The following TNRC6C variants were observed in gnomAD, a reference collection of about 807,000 sequenced individuals.
TNRC6C encodes trinucleotide repeat-containing gene 6C protein.
TNRC6C carries 20 observed loss-of-function variants against 153.7 expected under a neutral mutation model. The ratio of observed to expected loss-of-function variants is 0.13; its 90% CI spans 0.09 to 0.19. The LOEUF is 0.19. Ranked by LOEUF, TNRC6C falls within the 10% of genes least tolerant of loss-of-function variation. The probability of loss-of-function intolerance (pLI) is 1.00; values close to 1 mark genes in which losing one functional copy is unlikely to be tolerated. For missense variants in TNRC6C, 1,987 were observed against 2,172.0 expected (o/e 0.91, Z 1.69); for synonymous variants, 811 against 841.4 (o/e 0.96, Z 0.63).
At chr17:78,095,811 AC>A (rs1567965747) in intron 16 of TNRC6C, among the ~76,000 whole-genome samples, 1 of 152,254 alleles carries the variant, frequency 6.6e-6, no homozygotes, top group African/African-American at 2.4e-5. Context: ...TGGGTGGCCA[AC>A]GTGGGAGAAT....
chr17:78,001,678 A>G (rs1205484376), upstream of TNRC6C, among the ~76,000 whole-genome samples: 1 of 152,208 alleles, frequency 6.6e-6, no homozygotes, highest in Non-Finnish European at 1.5e-5. Flanking sequence ...CAGTGATCCA[A>G]TAAAATCTTT....
chr17:77,996,578 T>G (rs1567906127), intron 1 of TNRC6C, among the ~76,000 whole-genome samples: 1 of 152,208 alleles, frequency 6.6e-6, no homozygotes, highest in South Asian at 2.1e-4. Context: ...GGCAAAGCAC[T>G]GAGATACCAG....
chr17:77,992,736 C>T (rs1349924707), intron 1 of TNRC6C, among the ~76,000 whole-genome samples: 2 of 152,118 alleles, frequency 1.3e-5, no homozygotes, highest in East Asian at 1.9e-4. Context: ...GTGTGAGGTA[C>T]CCACTAAAAT....
chr17:77,960,732 A>G (rs1021188988), intron 1 of TNRC6C, among the ~76,000 whole-genome samples: 5 of 152,180 alleles, frequency 3.3e-5, no homozygotes, highest in Admixed American at 6.5e-5. Flanking sequence ...AGAGGTGGCA[A>G]TGGTCTTTGA....
intron 1 of TNRC6C, among the ~76,000 whole-genome samples, chr17:77,984,588 A>G (rs2071132497): frequency 6.6e-6 from 1 of 152,224 alleles, no homozygotes; most frequent in Non-Finnish European, 1.5e-5. Flanking sequence ...AGCAGTCAGC[A>G]GGCTGGCATA....
At chr17:77,975,768 G>T (rs1567896208) in intron 1 of TNRC6C, among the ~76,000 whole-genome samples, 1 of 152,116 alleles carries the variant, frequency 6.6e-6, no homozygotes. Flanking sequence ...AAAGTACCAT[G>T]ATATACTTTT....
chr17:77,977,273 T>A (rs1455737116), intron 1 of TNRC6C, among the ~76,000 whole-genome samples: 1 of 152,224 alleles, frequency 6.6e-6, no homozygotes, highest in Non-Finnish European at 1.5e-5. Context: ...TAAATCTTCA[T>A]ATGTAGTAGA....
chr17:78,087,862 G>A (rs1453312286), intron 13 of TNRC6C, among the ~76,000 whole-genome samples: 1 of 152,218 alleles, frequency 6.6e-6, no homozygotes, highest in Non-Finnish European at 1.5e-5. Flanking sequence ...GGCCAGTCAG[G>A]AGAGACACAG....
At chr17:78,047,870 G>T (rs537687776) in intron 2 of TNRC6C, among the ~76,000 whole-genome samples, 1 of 152,024 alleles carries the variant, frequency 6.6e-6, no homozygotes, top group African/African-American at 2.4e-5. Flanking sequence ...AAAGTTGATC[G>T]AAATATAAGT....
intron 5 of TNRC6C, among the ~76,000 whole-genome samples, chr17:78,070,329 T>C (rs1304295537): frequency 6.6e-6 from 1 of 152,234 alleles, no homozygotes; most frequent in Non-Finnish European, 1.5e-5. Flanking sequence ...GAGCTCCATA[T>C]GCTCCATGAT....
At chr17:78,092,991 C>T in exon 15 of TNRC6C, 1 of 1,613,890 alleles carries the variant, frequency 6.2e-7, no homozygotes. Context: ...TTGATGACTC[C>T]TATGGCCGGT....
chr17:78,103,340 G>A (rs1464638253), intron 18 of TNRC6C, 74 bp from the exon 22 acceptor site: 11 of 1,562,170 alleles, frequency 7.0e-6, no homozygotes, highest in African/African-American at 2.7e-5. Flanking sequence ...AATTTCATAC[G>A]TTTTTTCTTT....
intron 1 of TNRC6C, among the ~76,000 whole-genome samples, chr17:77,960,072 G>GT (rs1181274774): frequency 2.0e-5 from 3 of 152,284 alleles, no homozygotes; most frequent in African/African-American, 7.2e-5. Context: ...GGTAGGGGAG[G>GT]AGGAGCCGCT....
intron 1 of TNRC6C, among the ~76,000 whole-genome samples, chr17:77,970,212 A>C (rs1384805614): frequency 1.3e-5 from 2 of 152,170 alleles, no homozygotes; most frequent in Non-Finnish European, 2.9e-5. Context: ...TTCCAGTTGG[A>C]AGGATAACAG....
intron 1 of TNRC6C, among the ~76,000 whole-genome samples, chr17:78,014,482 A>T (rs138278946): frequency 6.6e-6 from 1 of 152,008 alleles, no homozygotes; most frequent in Admixed American, 6.6e-5. Flanking sequence ...AAGAACTTAG[A>T]TGTGCTTGCA....
At chr17:77,991,389 G>C (rs370583141) in intron 1 of TNRC6C, among the ~76,000 whole-genome samples, 1 of 152,168 alleles carries the variant, frequency 6.6e-6, no homozygotes, top group African/African-American at 2.4e-5. Context: ...CCCTGAATGC[G>C]TTCTCCCCAT....
chr17:78,081,993 T>C (rs1329608235), intron 10 of TNRC6C, among the ~76,000 whole-genome samples: 1 of 152,038 alleles, frequency 6.6e-6, no homozygotes, highest in African/African-American at 2.4e-5. Context: ...TCTTATTCTT[T>C]ACGTGCTAAC....
intron 17 of TNRC6C, among the ~76,000 whole-genome samples, chr17:78,102,195 C>T (rs966681896): frequency 4.6e-5 from 7 of 152,128 alleles, no homozygotes; most frequent in East Asian, 1.9e-4. Flanking sequence ...TCATCACCCC[C>T]GTCTCTCCTG....
chr17:78,103,605 G>A lies in TNRC6C; in HGVS notation c.4712+52G>A. On this transcript the variant is annotated intron_variant, in intron 19 of 19. Transcript: ENST00000301624. Reference sequence around the variant, plus strand: ...GCTCCAAGTAGCTCCCCATCCCCCAGAGCATTAGGTTAGGGGTGTTGCAGG... The same window carrying A: ...GCTCCAAGTAGCTCCCCATCCCCCAAAGCATTAGGTTAGGGGTGTTGCAGG... 4 of 1,610,096 alleles carry A rather than the reference G, an allele frequency of 2.5e-6. No individual in the cohort carries two copies. In the South Asian group the frequency reaches 4.4e-5, roughly 18 times the overall value.
Sources: gnomAD v4.1 joint callset for allele counts (sites outside exome capture counted in the v4.1 genomes callset) on GRCh38, gnomAD v4.1.1 for gene constraint, MANE v1.5 for transcripts, NCBI Gene and HGNC (gene_info 2026-07-23, HGNC 2026-07-21) for gene names.